AXL: variants seen among roughly 807,000 people sequenced by gnomAD.
AXL encodes the protein tyrosine-protein kinase receptor UFO.
AXL carries 52 observed loss-of-function variants against 104.5 expected under a neutral mutation model. The observed-to-expected ratio is 0.50, with a 90% CI of 0.40 to 0.63. The LOEUF is 0.63. Among genes scored for constraint, AXL ranks in the 20% least tolerant of loss-of-function variants. AXL has a pLI of 0.00. For missense variants in AXL, 1,024 were observed against 1,188.5 expected, an observed-to-expected ratio of 0.86 and a Z score of 2.04; for synonymous variants, 455 against 473.7, an observed-to-expected ratio of 0.96 and a Z score of 0.51.
In AXL at chr19:41,242,902, T is replaced by C. The variant is rs2034207953; in HGVS notation, c.1332T>C (p.Pro444=). 1.2e-6 allele frequency: 2 copies of C among 1,614,202 alleles called. No homozygotes were observed. Among genetic ancestry groups the C allele is most frequent in the Non-Finnish European group, 8.5e-7 (1 of 1,180,010 alleles). Residue 444 remains proline, a synonymous_variant, in exon 11 of 20, where the codon CCT becomes CCC. Coordinates refer to ENST00000301178, the MANE Select transcript of AXL (RefSeq NM_021913.5). ...TGATAGTGAAGGAACCTTCAACTCC[T>C]GCCTTCTCGTGGCCCTGGTGGTATG... ...VHQLVKEPST[P]AFSWPWWYVL...
rs1348530671 is a variant in AXL, at chr19:41,231,278, C to T, written c.763C>T (p.Leu255=). Residue 255 remains leucine (L), a synonymous_variant, in exon 6 of 20, where the codon CTG becomes TTG. Transcript: ENST00000301178. ...TCCAGGCCTGAGCGGCATCTACCCC[C>T]TGACCCACTGCACCCTGCAGGTGAG... ...WTPGLSGIYP[L]THCTLQAVLS... 3.7e-6 allele frequency: 6 copies of T among 1,613,560 alleles called. No homozygotes were observed. Among genetic ancestry groups the T allele is most frequent in the Middle Eastern group, 3.3e-4 (2 of 6,074 alleles).
intron 11 of AXL, 38 bp downstream of exon 11, chr19:41,243,053 G>A: frequency 6.2e-7 from 1 of 1,613,618 alleles, no homozygotes. Context: ...TGTGGCCTGG[G>A]ATGGAGAGGC....
intron 14 of AXL, among the ~76,000 whole-genome samples, chr19:41,251,669 G>A (rs930733573): frequency 2.0e-5 from 3 of 151,708 alleles, no homozygotes; most frequent in Non-Finnish European, 2.9e-5. Flanking sequence ...AGCTATGTTT[G>A]CTGTGATTGC....
chr19:41,241,286 A>C (rs2034176671), intron 10 of AXL, among the ~76,000 whole-genome samples: 1 of 152,146 alleles, frequency 6.6e-6, no homozygotes, highest in South Asian at 2.1e-4. Flanking sequence ...TCACGCCTGT[A>C]ATCCCAGTAC....
intron 4 of AXL, among the ~76,000 whole-genome samples, chr19:41,228,947 CT>C (rs1309818361): frequency 7.0e-5 from 9 of 128,746 alleles, no homozygotes; most frequent in East Asian, 2.2e-4. Flanking sequence ...TTTGTCTTTT[CT>C]TTTCTTTCTT....
Position 41,238,718 on chromosome 19 carries a change from A to G in AXL, c.1134+109A>G, listed in dbSNP as rs1339233517. The G allele has an allele frequency of 4.3e-6, 6 of 1,404,736 alleles. No homozygotes were observed. In the Admixed American group the frequency reaches 8.1e-5, roughly 19 times the overall value. 87.0% of individuals were successfully genotyped at this position (1,404,736 alleles called of 1,614,324 possible). A position where few individuals can be genotyped will look rare whatever the true frequency, so the allele number is the denominator to read the frequency against. On this transcript the variant is annotated intron_variant, in intron 8 of 19. Transcript: ENST00000301178. ...AGGTTGGGTAGTACACAATTGCTCT[A>G]TGCCTAGGGGGCACATTCAGGGAAG...
intron 6 of AXL, among the ~76,000 whole-genome samples, chr19:41,237,708 G>A (rs1047605845): frequency 6.6e-6 from 1 of 152,216 alleles, no homozygotes; most frequent in African/African-American, 2.4e-5. Context: ...GCTCAGAGAG[G>A]GAAGAGTCTT....
At chr19:41,253,149 T>C (rs1363573884) in intron 16 of AXL, among the ~76,000 whole-genome samples, 182 bp downstream of exon 16, 1 of 152,068 alleles carries the variant, frequency 6.6e-6, no homozygotes, top group Non-Finnish European at 1.5e-5. Context: ...ATGATTTAAA[T>C]GTTTAAGTGC....
At position 41,252,364 on chromosome 19, in the gene AXL, G is replaced by A. The variant is rs1338596207; in HGVS notation, c.1725G>A (p.Thr575=). 2.5e-6 allele frequency: 4 copies of A among 1,613,500 alleles called. No homozygotes were observed. The highest frequency in any genetic ancestry group is 1.7e-5 in the Admixed American group (1 of 59,928). The part of the protein sequence containing the change: ...AVKTMKIAIC[T]RSELEDFLSE... ...CTCTCCCTCAAGTTGCCATCTGCAC[G>A]AGGTCAGAGCTGGAGGATTTCCTGA... The change falls in exon 15 of 20, where the codon ACG becomes ACA. Residue 575 remains threonine (T), a synonymous_variant. Coordinates refer to ENST00000301178, the MANE Select transcript of AXL (RefSeq NM_021913.5).
At chr19:41,230,317 A>G (rs2033957030) in intron 4 of AXL, among the ~76,000 whole-genome samples, 1 of 138,772 alleles carries the variant, frequency 7.2e-6, no homozygotes, top group Admixed American at 7.1e-5. Context: ...TCTGGGGTGT[A>G]AGAATGTGTG....
chr19:41,221,963 C>T lies in AXL; in HGVS notation c.493C>T (p.Pro165Ser), dbSNP rs759394283. Reference sequence around the variant, plus strand: ...CAACCTGAGCTGCCAAGCTCAGGGACCCCCAGAGCCCGTGGACCTACTCTG... The same window carrying T: ...CAACCTGAGCTGCCAAGCTCAGGGATCCCCAGAGCCCGTGGACCTACTCTG... ...PFNLSCQAQG[P>S]PEPVDLLWLQ... The change falls in exon 4 of 20, where the codon CCC becomes TCC. Residue 165 changes from proline (P) to serine (S), a missense_variant. Pro to Ser is a moderately conservative substitution (Grantham distance 74). Transcript: ENST00000301178. The T allele has an allele frequency of 1.2e-6, 2 of 1,612,424 alleles. No homozygotes were observed. Among genetic ancestry groups the T allele is most frequent in the Non-Finnish European group, 1.7e-6 (2 of 1,179,408 alleles).
chr19:41,231,552 A>T (rs1018744315), intron 6 of AXL, among the ~76,000 whole-genome samples: 1 of 152,174 alleles, frequency 6.6e-6, no homozygotes, highest in Non-Finnish European at 1.5e-5. Flanking sequence ...GGTAGTGCCT[A>T]CCTGGTATGC....
chr19:41,227,488 C>CTTTT (rs34569295), intron 4 of AXL, among the ~76,000 whole-genome samples: 1 of 135,500 alleles, frequency 7.4e-6, no homozygotes, highest in African/African-American at 2.7e-5. Context: ...ACCCTGGGGC[C>CTTTT]TTTTTTTTTT....
intron 10 of AXL, 120 bp downstream of exon 10, chr19:41,239,840 A>G: frequency 7.1e-7 from 1 of 1,402,040 alleles, no homozygotes; most frequent in Non-Finnish European, 1.0e-6. Context: ...ACTCTAACCT[A>G]CTTCTTGAGT....
intron 7 of AXL, 101 bp downstream of exon 7, chr19:41,238,255 G>C: frequency 6.8e-7 from 1 of 1,463,910 alleles, no homozygotes; most frequent in South Asian, 1.2e-5. Context: ...ACCCCTCATG[G>C]CCTCAATCTC....
chr19:41,221,084 G>C (rs1218808164), intron 2 of AXL, 62 bp from the exon 3 acceptor site: 1 of 1,481,636 alleles, frequency 6.7e-7, no homozygotes, highest in African/African-American at 1.4e-5. Context: ...CGTTCTGACA[G>C]ACCCCCTCCC....
intron 12 of AXL, among the ~76,000 whole-genome samples, chr19:41,245,663 G>A (rs1390949192): frequency 2.7e-5 from 4 of 149,092 alleles, no homozygotes; most frequent in African/African-American, 5.0e-5. Flanking sequence ...GCAGTGAGCC[G>A]AGATCGTGCC....
chr19:41,251,026 G>A (rs1373774211), intron 14 of AXL, among the ~76,000 whole-genome samples: 1 of 152,210 alleles, frequency 6.6e-6, no homozygotes, highest in Non-Finnish European at 1.5e-5. Context: ...GGGCAGTTGT[G>A]AGCAGGTGGA....
At chr19:41,249,464 A>G (rs1368480032) in intron 14 of AXL, among the ~76,000 whole-genome samples, 1 of 151,852 alleles carries the variant, frequency 6.6e-6, no homozygotes, top group African/African-American at 2.4e-5. Context: ...TAAAAAAATA[A>G]AACACACATG....
Sources: allele counts gnomAD v4.1 joint callset (sites outside exome capture counted in the v4.1 genomes callset), GRCh38; gene constraint gnomAD v4.1.1; transcripts MANE v1.5; gene names NCBI Gene and HGNC (gene_info 2026-07-23, HGNC 2026-07-21).